LTBP1: variants seen among roughly 807,000 people sequenced by gnomAD.
LTBP1 encodes latent-transforming growth factor beta-binding protein 1.
Under a neutral mutation model 207.6 loss-of-function variants are expected in LTBP1, and 129 were observed. That is an observed-to-expected ratio of 0.62 (90% CI 0.54 to 0.72). The LOEUF (loss-of-function observed/expected upper bound fraction) is 0.72. LTBP1 is among the 30% of genes least tolerant of loss of function. The pLI, the probability that LTBP1 is intolerant of heterozygous loss-of-function variation, is 0.00. For synonymous variants in LTBP1, 963 were observed against 833.7 expected, an observed-to-expected ratio of 1.16 and a Z score of -2.67; for missense variants, 2,281 against 2,217.2, an observed-to-expected ratio of 1.03 and a Z score of -0.58.
In LTBP1 at chr2:33,182,687, G is replaced by GAGATATATATATATATATATATATATAT. The variant is rs1469125010; in HGVS notation, c.1202-4168_1202-4167insGATATATATATATATATATATATATATA. 2.0e-3 allele frequency among the ~76,000 whole-genome samples: 134 copies of GAGATATATATATATATATATATATATAT among 66,820 alleles called. 18 individuals carry two copies. The highest frequency in any genetic ancestry group is 7.5e-3 in the Middle Eastern group (1 of 134). 43.8% of individuals were successfully genotyped at this position (66,820 alleles called of 152,430 possible). A position where few individuals can be genotyped will look rare whatever the true frequency, so the allele number is the denominator to read the frequency against. On this transcript the variant is annotated intron_variant, in intron 5 of 33. Coordinates refer to ENST00000404816, the MANE Select transcript of LTBP1 (RefSeq NM_206943.4). ...AAAAAAAAAAAGAAGAAAAGATGGT[G>GAGATATATATATATATATATATATATAT]ATATATATATATACACACACACACA... is the stretch of plus-strand genomic sequence containing the variant.
At chr2:33,227,918 C>A (rs900076780) in intron 9 of LTBP1, among the ~76,000 whole-genome samples, 2 of 150,488 alleles carry the variant, frequency 1.3e-5, no homozygotes, top group African/African-American at 4.9e-5. Flanking sequence ...AATTCTCCTG[C>A]CTCAGCCTCC....
intron 22 of LTBP1, among the ~76,000 whole-genome samples, chr2:33,305,229 C>T (rs1041206129): frequency 1.3e-5 from 2 of 152,024 alleles, no homozygotes; most frequent in Non-Finnish European, 2.9e-5. Flanking sequence ...GAGGCTGAGG[C>T]AGAAAAATCA....
At chr2:33,204,992 TAAG>T (rs1195919737) in intron 7 of LTBP1, among the ~76,000 whole-genome samples, 1 of 152,250 alleles carries the variant, frequency 6.6e-6, no homozygotes, top group African/African-American at 2.4e-5. Flanking sequence ...TTGGATTGGC[TAAG>T]GAGACTACCA....
At chr2:33,293,505 G>A (rs1485458015) in intron 20 of LTBP1, among the ~76,000 whole-genome samples, 1 of 152,138 alleles carries the variant, frequency 6.6e-6, no homozygotes, top group East Asian at 1.9e-4. Context: ...GAGAGTGTCT[G>A]TGAGCCACAG....
chr2:33,036,623 AAGTTTTGTATTTTTAGT>A (rs897253989), intron 3 of LTBP1, among the ~76,000 whole-genome samples: 3 of 151,970 alleles, frequency 2.0e-5, no homozygotes, highest in African/African-American at 7.3e-5. Context: ...ATGTCTGGCT[AAGTTTTGTATTTTTAGT>A]AGAGACGGGG....
chr2:33,290,777 A>C (rs1390504221), intron 19 of LTBP1, among the ~76,000 whole-genome samples: 1 of 152,194 alleles, frequency 6.6e-6, no homozygotes, highest in East Asian at 1.9e-4. Flanking sequence ...AACATAAAGA[A>C]AAGACAGAGG....
intron 31 of LTBP1, among the ~76,000 whole-genome samples, chr2:33,385,219 A>G (rs547463155): frequency 2.6e-5 from 4 of 152,300 alleles, no homozygotes; most frequent in East Asian, 3.9e-4. Flanking sequence ...AGACTTCTCT[A>G]TTTACTGAGC....
intron 9 of LTBP1, among the ~76,000 whole-genome samples, chr2:33,241,637 G>T (rs904740100): frequency 7.2e-5 from 11 of 152,184 alleles, no homozygotes; most frequent in Non-Finnish European, 1.2e-4. Flanking sequence ...AGGAATACAG[G>T]CCATTCAGGG....
At chr2:33,368,165 C>T (rs1383627878) in intron 31 of LTBP1, among the ~76,000 whole-genome samples, 5 of 151,974 alleles carry the variant, frequency 3.3e-5, no homozygotes, top group Non-Finnish European at 7.4e-5. Context: ...CGAGATCGCG[C>T]CACTGCACTC....
intron 5 of LTBP1, among the ~76,000 whole-genome samples, chr2:33,147,509 A>T (rs1200727828): frequency 1.3e-5 from 2 of 152,198 alleles, no homozygotes; most frequent in Non-Finnish European, 2.9e-5. Context: ...TCAATTAATG[A>T]TGTTTATTAT....
At chr2:33,353,302 T>A (rs368913508) in intron 26 of LTBP1, among the ~76,000 whole-genome samples, 2 of 152,242 alleles carry the variant, frequency 1.3e-5, no homozygotes, top group East Asian at 3.9e-4. Flanking sequence ...TCCTGAAATA[T>A]CTCTCAAGCC....
chr2:33,393,629 T>C (rs1396647489), intron 32 of LTBP1, among the ~76,000 whole-genome samples: 1 of 152,186 alleles, frequency 6.6e-6, no homozygotes, highest in Non-Finnish European at 1.5e-5. Context: ...ACTCATCATT[T>C]TTTATGGCTG....
At chr2:32,968,708 T>C (rs1285724217) in intron 2 of LTBP1, among the ~76,000 whole-genome samples, 1 of 151,828 alleles carries the variant, frequency 6.6e-6, no homozygotes, top group Admixed American at 6.6e-5. Flanking sequence ...TCTTTTTGTC[T>C]TCTACTCTTT....
chr2:33,064,101 C>T (rs998993773), intron 3 of LTBP1, among the ~76,000 whole-genome samples: 1 of 152,172 alleles, frequency 6.6e-6, no homozygotes, highest in African/African-American at 2.4e-5. Context: ...GATTTACCCG[C>T]CTTGGCCTCC....
chr2:33,354,727 CA>C (rs370239207), intron 26 of LTBP1, among the ~76,000 whole-genome samples: 8,689 of 130,772 alleles, frequency 0.066, 287 homozygotes, highest in Non-Finnish European at 0.089. Flanking sequence ...CACACACACA[CA>C]CCATTGTATC....
intron 3 of LTBP1, among the ~76,000 whole-genome samples, chr2:33,085,056 C>A (rs910947891): frequency 4.6e-5 from 7 of 152,118 alleles, no homozygotes; most frequent in African/African-American, 1.2e-4. Context: ...CCTTAGAAGA[C>A]ACAGAAGAGA....
At chr2:33,149,228 C>CA (rs58303103) in intron 5 of LTBP1, among the ~76,000 whole-genome samples, 12,118 of 82,314 alleles carry the variant, frequency 0.15, 797 homozygotes, top group Non-Finnish European at 0.16. Context: ...CACAAAAAAA[C>CA]AAAAAAAAAA....
chr2:33,345,372 T>G (rs892354700), intron 25 of LTBP1, among the ~76,000 whole-genome samples: 1 of 152,382 alleles, frequency 6.6e-6, no homozygotes, highest in Middle Eastern at 3.4e-3. Flanking sequence ...ACCCCACATA[T>G]AGGCCGTACA....
intron 9 of LTBP1, among the ~76,000 whole-genome samples, chr2:33,223,068 A>G (rs193119149): frequency 3.3e-4 from 50 of 152,258 alleles, no homozygotes; most frequent in African/African-American, 1.1e-3. Flanking sequence ...TGTATCCTTC[A>G]CCACCATATG....
Sources: allele counts gnomAD v4.1 joint callset (sites outside exome capture counted in the v4.1 genomes callset), GRCh38; gene constraint gnomAD v4.1.1; transcripts MANE v1.5; gene names NCBI Gene and HGNC (gene_info 2026-07-23, HGNC 2026-07-21).